FOCAD: variants seen among roughly 807,000 people sequenced by gnomAD.
The protein encoded by FOCAD is focadhesin, also known as KIAA1797.
A neutral mutation model predicts 225.6 loss-of-function variants in FOCAD; 198 were observed. The ratio of observed to expected loss-of-function variants is 0.88; its 90% CI spans 0.78 to 0.99. FOCAD has a LOEUF of 0.99. FOCAD is among the 50% of genes least tolerant of loss of function. The probability of loss-of-function intolerance (pLI) is 0.00; values close to 1 mark genes in which losing one functional copy is unlikely to be tolerated. For missense variants in FOCAD, 2,713 were observed against 2,123.6 expected, an observed-to-expected ratio of 1.28 and a Z score of -5.46; for synonymous variants, 897 against 755.0, an observed-to-expected ratio of 1.19 and a Z score of -3.08.
At chr9:20,881,541 G>C (rs559457868) in intron 19 of FOCAD, among the ~76,000 whole-genome samples, 3 of 152,242 alleles carry the variant, frequency 2.0e-5, no homozygotes, top group African/African-American at 7.2e-5. Flanking sequence ...GTATGAGGAG[G>C]ACAAAAGATA....
At chr9:20,778,037 C>T (rs1587127075) in intron 8 of FOCAD, among the ~76,000 whole-genome samples, 1 of 122,582 alleles carries the variant, frequency 8.2e-6, no homozygotes, top group Non-Finnish European at 1.6e-5. Context: ...TTGCAGTGAG[C>T]GGAGATCGTG....
chr9:20,886,216 CT>C (rs5896915), intron 21 of FOCAD, among the ~76,000 whole-genome samples: 129,403 of 151,704 alleles, frequency 0.85, 55,310 homozygotes, highest in Admixed American at 0.89. Flanking sequence ...GTTTCAGAAG[CT>C]TTTTTTTTGC....
chr9:20,713,339 C>A (rs1270193544), intron 1 of FOCAD, among the ~76,000 whole-genome samples: 1 of 152,144 alleles, frequency 6.6e-6, no homozygotes, highest in Non-Finnish European at 1.5e-5. Context: ...TAGCTTAGGG[C>A]TTTTTCCTGT....
upstream of FOCAD, among the ~76,000 whole-genome samples, chr9:20,656,700 C>G (rs1305377206): frequency 1.3e-5 from 2 of 152,168 alleles, no homozygotes; most frequent in East Asian, 3.9e-4. Context: ...TTCCTGAATA[C>G]AGCACACTGA....
Position 20,758,094 on chromosome 9 carries a change from C to A in FOCAD, c.397C>A (p.His133Asn), listed in dbSNP as rs771886193. The change falls in exon 6 of 44, where the codon CAT becomes AAT. Residue 133 changes from histidine (H) to asparagine (N), a missense_variant. His to Asn is a moderately conservative substitution (Grantham distance 68). Coordinates refer to ENST00000338382, the MANE Select transcript of FOCAD (RefSeq NM_001375567.1). ...NIQSIYTIRNHPHPLITVLEH... is the reference protein window; with the variant it reads ...NIQSIYTIRNNPHPLITVLEH... ...GTGACTTTCTGTGTCTTTCAGAAATCATCCTCATCCTTTGATAACTGTGCT... is the reference window on the plus strand; with the variant it reads ...GTGACTTTCTGTGTCTTTCAGAAATAATCCTCATCCTTTGATAACTGTGCT... The A allele has an allele frequency of 1.0e-5, 16 of 1,600,776 alleles. No individual in the cohort carries two copies. The highest frequency in any genetic ancestry group is 1.3e-5 in the Non-Finnish European group (15 of 1,175,150).
chr9:20,729,253 T>C (rs1342189368), intron 4 of FOCAD, among the ~76,000 whole-genome samples: 1 of 152,278 alleles, frequency 6.6e-6, no homozygotes, highest in African/African-American at 2.4e-5. Flanking sequence ...GGGGAATCTG[T>C]TCTATGCCTT....
Position 20,951,082 on chromosome 9 carries a change from T to G in FOCAD, c.4035T>G (p.Ser1345Arg). The change falls in exon 34 of 44, where the codon AGT becomes AGG. Residue 1345 changes from serine (S) to arginine (R), a missense_variant. Transcript: ENST00000338382. Reference sequence around the variant, plus strand: ...TTCATCTATCTACTCTATCCTCAAGTCAAAGTAGAGCCTCTGGTAAGATTA... The same window carrying G: ...TTCATCTATCTACTCTATCCTCAAGGCAAAGTAGAGCCTCTGGTAAGATTA... Reference protein sequence around the residue: ...GHLHLSTLSSSQSRASVPTDY... With the variant: ...GHLHLSTLSSRQSRASVPTDY... 1 of 1,613,068 alleles carries G rather than the reference T, an allele frequency of 6.2e-7. No individual in the cohort carries two copies.
Position 20,936,920 on chromosome 9 carries a change from T to C in FOCAD, c.3407+3817T>C, listed in dbSNP as rs201314925. On this transcript the variant is annotated intron_variant, in intron 28 of 43. Coordinates refer to ENST00000338382, the MANE Select transcript of FOCAD (RefSeq NM_001375567.1). ...TCAATGTGCAAAAATCACAAACATT[T>C]TTATACATCAATAACAGACAAACAA... Among the ~76,000 whole-genome samples the C allele has an allele frequency of 6.0e-3, 915 of 152,228 alleles. 7 individuals carry two copies. Among genetic ancestry groups the C allele is most frequent in the Middle Eastern group, 0.031 (9 of 294 alleles).
At chr9:20,857,210 C>T (rs1249289098) in intron 15 of FOCAD, among the ~76,000 whole-genome samples, 2 of 151,916 alleles carry the variant, frequency 1.3e-5, no homozygotes, top group Non-Finnish European at 2.9e-5. Flanking sequence ...TTGATTCTTC[C>T]AATTTATGAA....
intron 21 of FOCAD, among the ~76,000 whole-genome samples, chr9:20,904,489 C>G (rs1207410143): frequency 6.6e-6 from 1 of 151,906 alleles, no homozygotes; most frequent in Admixed American, 6.6e-5. Context: ...TTCTCGCATC[C>G]CTGCCCTCAC....
At chr9:20,717,917 T>A in intron 3 of FOCAD, 49 bp downstream of exon 3, 1 of 1,435,896 alleles carries the variant, frequency 7.0e-7, no homozygotes, top group Non-Finnish European at 9.8e-7. Context: ...AGATTGCTAC[T>A]AGCTGGATCA....
chr9:20,686,905 A>G (rs1822702734), intron 1 of FOCAD, among the ~76,000 whole-genome samples: 1 of 152,166 alleles, frequency 6.6e-6, no homozygotes, highest in Admixed American at 6.5e-5. Flanking sequence ...TGAAACAACA[A>G]AGTTTTAAGT....
intron 5 of FOCAD, among the ~76,000 whole-genome samples, chr9:20,754,875 T>C (rs528813172): frequency 6.6e-6 from 1 of 152,310 alleles, no homozygotes; most frequent in East Asian, 1.9e-4. Context: ...ATGAAGTTTA[T>C]TGAATTAAAA....
intron 28 of FOCAD, among the ~76,000 whole-genome samples, chr9:20,935,280 T>A (rs1354003058): frequency 5.3e-5 from 8 of 152,226 alleles, no homozygotes; most frequent in Admixed American, 5.2e-4. Context: ...AAGCAACAAC[T>A]ATCATCTTGC....
At chr9:20,926,832 G>A (rs1208041556) in intron 26 of FOCAD, among the ~76,000 whole-genome samples, 5 of 151,056 alleles carry the variant, frequency 3.3e-5, no homozygotes, top group Admixed American at 3.3e-4. Flanking sequence ...ATTATATAGT[G>A]TAATGATTCT....
At chr9:20,698,108 C>T (rs1396459424) in intron 1 of FOCAD, among the ~76,000 whole-genome samples, 2 of 152,090 alleles carry the variant, frequency 1.3e-5, no homozygotes, top group South Asian at 4.1e-4. Context: ...AATAAGATCA[C>T]TTTTTTTAAA....
intron 1 of FOCAD, among the ~76,000 whole-genome samples, chr9:20,714,634 G>GCCTGCCTGCCTGCCTTCCTTCCTTCCTT (rs1270720981): frequency 3.3e-5 from 4 of 120,120 alleles, no homozygotes; most frequent in South Asian, 2.8e-4. Flanking sequence ...CTGCCTGCCT[G>GCCTGCCTGCCTGCCTTCCTTCCTTCCTT]CCTTCCTTCC....
chr9:20,658,732 C>T (rs577176318), exon 2 of FOCAD: 4 of 160,704 alleles, frequency 2.5e-5, no homozygotes, highest in East Asian at 3.7e-4. Flanking sequence ...CAGAAATCAC[C>T]GTCTTCTCCA....
At chr9:20,896,692 C>T (rs1473932689) in intron 21 of FOCAD, among the ~76,000 whole-genome samples, 1 of 151,672 alleles carries the variant, frequency 6.6e-6, no homozygotes, top group Admixed American at 6.6e-5. Flanking sequence ...TTTCAGTGGC[C>T]AGAGAGTCTG....
Sources: gnomAD v4.1 joint callset for allele counts (sites outside exome capture counted in the v4.1 genomes callset) on GRCh38, gnomAD v4.1.1 for gene constraint, MANE v1.5 for transcripts, NCBI Gene and HGNC (gene_info 2026-07-23, HGNC 2026-07-21) for gene names.